Variants in BANK1 observed in about 807,000 individuals in gnomAD.
The protein encoded by BANK1 is B-cell scaffold protein with ankyrin repeats.
A neutral mutation model predicts 94.5 loss-of-function variants in BANK1; 95 were observed. The ratio of observed to expected loss-of-function variants is 1.00; its 90% CI spans 0.85 to 1.19. The LOEUF is 1.19. BANK1 is among the 50% of genes most tolerant of loss of function. The probability of loss-of-function intolerance (pLI) is 0.00; values close to 1 mark genes in which losing one functional copy is unlikely to be tolerated. For synonymous variants in BANK1, 334 were observed against 308.4 expected, an observed-to-expected ratio of 1.08 and a Z score of -0.87; for missense variants, 987 against 932.2, an observed-to-expected ratio of 1.06 and a Z score of -0.77.
chr4:101,936,438 A>G (rs1463645648), intron 7 of BANK1, among the ~76,000 whole-genome samples: 3 of 150,336 alleles, frequency 2.0e-5, no homozygotes, highest in Admixed American at 6.7e-5. Context: ...TATAAGATGT[A>G]TACATGTTTG....
intron 2 of BANK1, among the ~76,000 whole-genome samples, chr4:101,838,160 T>C (rs1726903056): frequency 6.6e-6 from 1 of 152,278 alleles, no homozygotes; most frequent in South Asian, 2.1e-4. Flanking sequence ...GGTTTCACCA[T>C]GTTGCACAGA....
At chr4:101,938,979 G>T (rs2148909238) in intron 7 of BANK1, among the ~76,000 whole-genome samples, 1 of 151,818 alleles carries the variant, frequency 6.6e-6, no homozygotes, top group East Asian at 2.0e-4. Context: ...AGCAGTAGCT[G>T]TGATTTATCA....
chr4:101,959,544 C>T (rs933136029), intron 7 of BANK1, among the ~76,000 whole-genome samples: 8 of 152,168 alleles, frequency 5.3e-5, no homozygotes, highest in African/African-American at 1.9e-4. Flanking sequence ...AATGCCAAGG[C>T]AAGGCTAAAA....
chr4:101,951,178 T>TG (rs1230208954), intron 7 of BANK1, among the ~76,000 whole-genome samples: 1 of 152,088 alleles, frequency 6.6e-6, no homozygotes, highest in African/African-American at 2.4e-5. Context: ...ATGCTAATAA[T>TG]GGGGGAAACT....
At chr4:101,829,083 C>T (rs1266205754) in intron 1 of BANK1, among the ~76,000 whole-genome samples, 1 of 151,922 alleles carries the variant, frequency 6.6e-6, no homozygotes, top group East Asian at 1.9e-4. Context: ...AGAATGGTCT[C>T]GATCTCCTGA....
chr4:101,867,269 GA>G (rs1161682455), intron 4 of BANK1, among the ~76,000 whole-genome samples: 1 of 150,164 alleles, frequency 6.7e-6, no homozygotes, highest in Non-Finnish European at 1.5e-5. Context: ...TAAGTATTGT[GA>G]AAAAAAGGAA....
At chr4:101,949,678 A>G (rs1443076263) in intron 7 of BANK1, among the ~76,000 whole-genome samples, 1 of 152,164 alleles carries the variant, frequency 6.6e-6, no homozygotes, top group Non-Finnish European at 1.5e-5. Context: ...TGGGAAAAGA[A>G]CATACTATGC....
chr4:101,941,278 ATTT>A (rs1258947487), intron 7 of BANK1, among the ~76,000 whole-genome samples: 1 of 151,472 alleles, frequency 6.6e-6, no homozygotes, highest in Non-Finnish European at 1.5e-5. Context: ...TAACATGTGT[ATTT>A]TCTGCCCCTG....
chr4:102,052,819 C>T (rs989170358), intron 11 of BANK1, among the ~76,000 whole-genome samples: 1 of 152,046 alleles, frequency 6.6e-6, no homozygotes, highest in Non-Finnish European at 1.5e-5. Context: ...AAAGTTTGAA[C>T]TCATAAACAA....
chr4:101,796,525 C>T (rs1282393390), intron 1 of BANK1, among the ~76,000 whole-genome samples: 2 of 152,110 alleles, frequency 1.3e-5, no homozygotes, highest in African/African-American at 4.8e-5. Flanking sequence ...GGTGGTCCTG[C>T]AGATGAGCAT....
chr4:101,878,955 A>G (rs181262255), intron 5 of BANK1, among the ~76,000 whole-genome samples: 1 of 152,000 alleles, frequency 6.6e-6, no homozygotes, highest in African/African-American at 2.4e-5. Context: ...CAAAAGCAGT[A>G]CTAAGAGGGA....
At chr4:101,854,891 T>G (rs1036738330) in intron 2 of BANK1, 144 bp from the exon 3 acceptor site, 14 of 566,642 alleles carry the variant, frequency 2.5e-5, no homozygotes, top group Non-Finnish European at 4.0e-5. Context: ...ATTATTAACA[T>G]TGGTTCAATT....
intron 10 of BANK1, among the ~76,000 whole-genome samples, chr4:102,036,347 G>GA (rs781024043): frequency 3.9e-5 from 6 of 152,100 alleles, no homozygotes; most frequent in Admixed American, 6.5e-5. Context: ...TGCAAAAAGA[G>GA]AAAAAAGACC....
intron 7 of BANK1, among the ~76,000 whole-genome samples, chr4:101,947,180 G>T (rs981073405): frequency 6.6e-6 from 1 of 150,792 alleles, no homozygotes; most frequent in South Asian, 2.1e-4. Flanking sequence ...ATTCATTAGG[G>T]TTTTACATTT....
chr4:101,933,383 G>A (rs1723423820), intron 7 of BANK1, among the ~76,000 whole-genome samples: 1 of 150,832 alleles, frequency 6.6e-6, no homozygotes, highest in Admixed American at 6.6e-5. Context: ...AAGCAAGTCA[G>A]TGGAAGAAAA....
At chr4:101,885,745 T>C (rs1728826463) in intron 5 of BANK1, among the ~76,000 whole-genome samples, 1 of 152,226 alleles carries the variant, frequency 6.6e-6, no homozygotes, top group Non-Finnish European at 1.5e-5. Flanking sequence ...AATGGGAACA[T>C]GTTCTGAGAA....
chr4:101,790,895 GC>G lies in BANK1; in HGVS notation c.17del (p.Pro6GlnfsTer24). On this transcript the variant is annotated frameshift_variant, in exon 1 of 17. Coordinates refer to ENST00000322953, the MANE Select transcript of BANK1 (RefSeq NM_017935.5). LOFTEE classifies it high-confidence loss of function. The stretch of plus-strand genomic sequence containing the variant: ...CAACCGCCACAATGCTGCCAGCAGC[GC>G]CAGGCAAGGGGCTTGGGAGCCCGGA... Reference protein sequence around the residue: MLPAAPGKGLGSPDPA... With the variant: MLPAAXGKGLGSPDPA... The G allele has an allele frequency of 1.3e-6, 2 of 1,539,540 alleles. No homozygotes were observed. The highest frequency in any genetic ancestry group is 1.7e-6 in the Non-Finnish European group (2 of 1,147,206).
chr4:102,021,041 T>G (rs2631260), intron 7 of BANK1, among the ~76,000 whole-genome samples: 19,313 of 152,204 alleles, frequency 0.13, 1,399 homozygotes, highest in Admixed American at 0.21. Flanking sequence ...AGAAGTACCC[T>G]TACTGGATTT....
chr4:101,900,988 A>G (rs1416152393), intron 6 of BANK1, among the ~76,000 whole-genome samples: 5 of 152,160 alleles, frequency 3.3e-5, no homozygotes, highest in African/African-American at 1.2e-4. Flanking sequence ...GGTCTTTTAA[A>G]AGCCAACTGA....
Sources: gnomAD v4.1 joint callset for allele counts (sites outside exome capture counted in the v4.1 genomes callset) on GRCh38, gnomAD v4.1.1 for gene constraint, MANE v1.5 for transcripts, NCBI Gene and HGNC (gene_info 2026-07-23, HGNC 2026-07-21) for gene names.